Variants in CRX observed in about 807,000 individuals in gnomAD.
The protein encoded by CRX is cone-rod homeobox protein.
Under a neutral mutation model 13.1 loss-of-function variants are expected in CRX, and 5 were observed. That is an observed-to-expected ratio of 0.38 (90% CI 0.20 to 0.80). The LOEUF (loss-of-function observed/expected upper bound fraction) is 0.80. Ranked by LOEUF, CRX falls within the 30% of genes least tolerant of loss-of-function variation. The pLI is 0.43. For synonymous variants in CRX, 179 were observed against 171.1 expected, an observed-to-expected ratio of 1.05 and a Z score of -0.36; for missense variants, 351 against 391.8, an observed-to-expected ratio of 0.90 and a Z score of 0.88.
intron 1 of CRX, among the ~76,000 whole-genome samples, chr19:47,832,105 G>GTTTTTTTTTTTTTTTTTAT (rs1968055271): frequency 1.1e-5 from 1 of 91,988 alleles, no homozygotes; most frequent in Non-Finnish European, 2.1e-5. Flanking sequence ...GCAGCCTTAT[G>GTTTTTTTTTTTTTTTTTAT]TTTTTTTTTT....
Position 47,839,807 on chromosome 19 carries a change from C to T in CRX, c.740C>T (p.Ala247Val), listed in dbSNP as rs1196719242. ...GGCCCCTCCGTGGGACCTTCCCTGG[C>T]CCAGTCCCCCACCTCCCTATCAGGC... ...LSGPSVGPSLAQSPTSLSGQS... is the reference protein window; with the variant it reads ...LSGPSVGPSLVQSPTSLSGQS... The change falls in exon 4 of 4, where the codon GCC becomes GTC. Residue 247 changes from alanine (A) to valine (V), a missense_variant. Physicochemically the swap from Ala to Val is moderately conservative, Grantham distance 64 (BLOSUM62 0). Coordinates refer to ENST00000221996, the MANE Select transcript of CRX (RefSeq NM_000554.6). The surrounding 1 kb of genome is among the most constrained non-coding windows in gnomAD (Gnocchi z 4.6). 89 of 1,614,016 alleles carry T rather than the reference C, an allele frequency of 5.5e-5. No individual in the cohort carries two copies. Among genetic ancestry groups the T allele is most frequent in the Non-Finnish European group, 7.3e-5 (86 of 1,180,032 alleles).
intron 3 of CRX, among the ~76,000 whole-genome samples, chr19:47,838,197 G>A (rs914321315): frequency 3.3e-5 from 5 of 151,840 alleles, no homozygotes; most frequent in African/African-American, 1.2e-4. Flanking sequence ...TCAGATAGCT[G>A]GATAAATGTA....
chr19:47,836,846 G>T (rs1469551840), intron 3 of CRX, among the ~76,000 whole-genome samples: 1 of 152,210 alleles, frequency 6.6e-6, no homozygotes, highest in Admixed American at 6.5e-5. Context: ...CGGACACTCA[G>T]AGTAGTAGAA....
intron 1 of CRX, 38 bp from the exon 2 acceptor site, chr19:47,834,371 C>A: frequency 8.7e-7 from 1 of 1,147,412 alleles, no homozygotes; most frequent in Non-Finnish European, 1.3e-6. Context: ...TGGTGAGTAA[C>A]TGGTAAGTGA....
intron 2 of CRX, 99 bp from the exon 3 acceptor site, chr19:47,836,144 T>G: frequency 6.8e-7 from 1 of 1,467,252 alleles, no homozygotes; most frequent in Non-Finnish European, 9.5e-7. Flanking sequence ...TTTAGGCAGA[T>G]GGCAACCAGG....
intron 1 of CRX, among the ~76,000 whole-genome samples, chr19:47,823,692 C>T (rs1228895303): frequency 2.0e-5 from 3 of 148,154 alleles, no homozygotes; most frequent in African/African-American, 7.8e-5. Flanking sequence ...CTCTGTGGCC[C>T]AGGCTGGAGT....
intron 1 of CRX, among the ~76,000 whole-genome samples, chr19:47,831,304 C>T (rs1354243091): frequency 2.3e-4 from 13 of 57,178 alleles, no homozygotes; most frequent in African/African-American, 1.4e-3. Context: ...AAGACTCTGT[C>T]TCAAAAAAAA....
At chr19:47,838,457 T>C (rs562769967) in intron 3 of CRX, among the ~76,000 whole-genome samples, 15 of 152,266 alleles carry the variant, frequency 9.9e-5, no homozygotes, top group Admixed American at 5.9e-4. Flanking sequence ...ACAATGTATG[T>C]ATGTATAATT....
chr19:47,833,029 CTTT>C (rs35088115), intron 1 of CRX, among the ~76,000 whole-genome samples: 13,177 of 88,276 alleles, frequency 0.15, 790 homozygotes, highest in South Asian at 0.21. Flanking sequence ...TCCACACTCG[CTTT>C]TTTTTTTTTT....
chr19:47,831,501 G>C (rs1205722028), intron 1 of CRX, among the ~76,000 whole-genome samples: 2 of 151,984 alleles, frequency 1.3e-5, no homozygotes, highest in African/African-American at 4.8e-5. Flanking sequence ...ACCCTATTGT[G>C]AACTGCACGT....
At position 47,843,029 on chromosome 19, in the gene CRX, G is replaced by A. The variant is rs1057218040; in HGVS notation, c.*3062G>A. The A allele has an allele frequency of 6.6e-6, 1 of 152,232 alleles. No homozygotes were observed. The highest frequency in any genetic ancestry group is 1.5e-5 in the Non-Finnish European group (1 of 68,078). 9.4% of individuals were successfully genotyped at this position (152,232 alleles called of 1,614,324 possible). ...AGAGCCTGATCCTGGGGTCTTCTGA[G>A]ACTCCACCAGGAGCCGGAGAGGGCA... On this transcript the variant is annotated 3_prime_UTR_variant, in exon 4 of 4. Coordinates refer to ENST00000221996, the MANE Select transcript of CRX (RefSeq NM_000554.6).
Position 47,840,182 on chromosome 19 carries a change from T to C in CRX, c.*215T>C. ...TGGGACAGCTCACAGGTCCTAGTGA[T>C]TCTCTCAACCCTAACACCGTCTGGC... On this transcript the variant is annotated 3_prime_UTR_variant, in exon 4 of 4. Transcript: ENST00000221996. 1.7e-6 allele frequency: 1 copy of C among 587,236 alleles called. No homozygotes were observed. The highest frequency in any genetic ancestry group is 2.0e-5 in the South Asian group (1 of 50,808). The allele number at this position is 587,236 out of a possible 1,614,324, so 36.4% of individuals were successfully genotyped here. A position where few individuals can be genotyped will look rare whatever the true frequency, so the allele number is the denominator to read the frequency against.
At chr19:47,838,584 T>C (rs1243320307) in intron 3 of CRX, among the ~76,000 whole-genome samples, 2 of 152,164 alleles carry the variant, frequency 1.3e-5, no homozygotes, top group South Asian at 4.1e-4. Flanking sequence ...CACTTGCATG[T>C]ATGATCAGAT....
chr19:47,839,856 C>A lies in CRX; in HGVS notation c.789C>A (p.Pro263=). ...LSGQSYGAYS[P]VDSLEFKDPT... ...GCCAGAGCTATGGCGCCTACAGCCC[C>A]GTGGATAGCTTGGAATTCAAGGACC... is the stretch of plus-strand genomic sequence containing the variant. The change falls in exon 4 of 4, where the codon CCC becomes CCA. Residue 263 remains proline, a synonymous_variant. Transcript: ENST00000221996. This position sits in a 1 kb window ranked among gnomAD's most constrained non-coding sequence, Gnocchi z 4.6. 2 of 1,614,138 alleles carry A rather than the reference C, an allele frequency of 1.2e-6. No homozygotes were observed. The highest frequency in any genetic ancestry group is 2.2e-5 in the East Asian group (1 of 44,864).
intron 1 of CRX, among the ~76,000 whole-genome samples, chr19:47,831,003 G>C (rs1302533115): frequency 6.6e-6 from 1 of 151,614 alleles, no homozygotes; most frequent in African/African-American, 2.4e-5. Context: ...TCGAAGTCTA[G>C]ACTCTAATCA....
At chr19:47,834,075 C>T (rs1359790264) in intron 1 of CRX, among the ~76,000 whole-genome samples, 1 of 151,258 alleles carries the variant, frequency 6.6e-6, no homozygotes, top group Non-Finnish European at 1.5e-5. Context: ...AAGTGATCCT[C>T]CCGCCTTGGC....
chr19:47,826,861 T>C (rs192606298), intron 1 of CRX, among the ~76,000 whole-genome samples: 1 of 152,274 alleles, frequency 6.6e-6, no homozygotes, highest in East Asian at 1.9e-4. Context: ...GTGGTTGTGG[T>C]CAGATGTCGG....
At chr19:47,834,699 A>C (rs1968095405) in intron 2 of CRX, among the ~76,000 whole-genome samples, 156 bp downstream of exon 2, 1 of 152,226 alleles carries the variant, frequency 6.6e-6, no homozygotes, top group African/African-American at 2.4e-5. Context: ...TCACTTAGAA[A>C]AACATTAGCA....
At chr19:47,833,513 C>G (rs1407603911) in intron 1 of CRX, among the ~76,000 whole-genome samples, 1 of 151,880 alleles carries the variant, frequency 6.6e-6, no homozygotes, top group Non-Finnish European at 1.5e-5. Context: ...AACTTCTGAC[C>G]TTAGGTGATC....
Sources: gnomAD v4.1 joint callset for allele counts (sites outside exome capture counted in the v4.1 genomes callset) on GRCh38, gnomAD v4.1.1 for gene constraint, Gnocchi (gnomAD v3.1) non-coding constraint, MANE v1.5 for transcripts, NCBI Gene and HGNC (gene_info 2026-07-23, HGNC 2026-07-21) for gene names.